PLPPR5: variants seen among roughly 807,000 people sequenced by gnomAD.
The protein encoded by PLPPR5 is phospholipid phosphatase related 5.
A neutral mutation model predicts 33.9 loss-of-function variants in PLPPR5; 16 were observed. The observed-to-expected ratio is 0.47, with a 90% CI of 0.32 to 0.72. PLPPR5 has a LOEUF of 0.72. Ranked by LOEUF, PLPPR5 falls within the 30% of genes least tolerant of loss-of-function variation. The probability of loss-of-function intolerance (pLI) is 0.03; values close to 1 mark genes in which losing one functional copy is unlikely to be tolerated. For missense variants in PLPPR5, 301 were observed against 406.7 expected, an observed-to-expected ratio of 0.74 and a Z score of 2.23; for synonymous variants, 163 against 150.3, an observed-to-expected ratio of 1.08 and a Z score of -0.62.
chr1:98,933,846 T>G (rs1196052273), intron 3 of PLPPR5, among the ~76,000 whole-genome samples: 1 of 152,112 alleles, frequency 6.6e-6, no homozygotes, highest in East Asian at 1.9e-4. Context: ...TCAGGCAAGA[T>G]TTGGGCAACG....
At chr1:98,916,396 A>C (rs1274009468) in intron 4 of PLPPR5, among the ~76,000 whole-genome samples, 1 of 152,216 alleles carries the variant, frequency 6.6e-6, no homozygotes, top group Non-Finnish European at 1.5e-5. Flanking sequence ...TGATAAAGCT[A>C]CTACCTCATG....
chr1:98,940,604 G>A (rs556688813), intron 3 of PLPPR5, among the ~76,000 whole-genome samples: 2 of 151,818 alleles, frequency 1.3e-5, no homozygotes, highest in East Asian at 3.9e-4. Flanking sequence ...AGGGATAAGC[G>A]CTTATAACTC....
intron 1 of PLPPR5, among the ~76,000 whole-genome samples, chr1:98,964,233 C>T (rs309052): frequency 0.8 from 121,300 of 152,146 alleles, 48,914 homozygotes; most frequent in African/African-American, 0.92. Flanking sequence ...TTCTGTGAAC[C>T]AACCAATGAA....
At chr1:98,977,767 G>C (rs976473225) in intron 1 of PLPPR5, among the ~76,000 whole-genome samples, 4 of 151,658 alleles carry the variant, frequency 2.6e-5, no homozygotes, top group Admixed American at 6.6e-5. Context: ...TCTTCTGGTA[G>C]AGAACTAGCC....
intron 5 of PLPPR5, among the ~76,000 whole-genome samples, chr1:98,911,340 T>C (rs1231441822): frequency 6.6e-6 from 1 of 152,178 alleles, no homozygotes; most frequent in Non-Finnish European, 1.5e-5. Context: ...ACAGAGCACA[T>C]AAATTTGTTA....
intron 5 of PLPPR5, among the ~76,000 whole-genome samples, chr1:98,906,685 G>C (rs1024715454): frequency 6.6e-6 from 1 of 152,118 alleles, no homozygotes; most frequent in African/African-American, 2.4e-5. Flanking sequence ...ACCTATCACG[G>C]AATTTATAGG....
chr1:98,959,975 AT>A (rs757085328), intron 1 of PLPPR5, among the ~76,000 whole-genome samples: 8 of 152,000 alleles, frequency 5.3e-5, no homozygotes, highest in Non-Finnish European at 1.0e-4. Context: ...TGTTCTCTGG[AT>A]ACTGTATTCT....
intron 1 of PLPPR5, among the ~76,000 whole-genome samples, chr1:98,966,185 T>C (rs1431267182): frequency 6.6e-6 from 1 of 152,220 alleles, no homozygotes; most frequent in African/African-American, 2.4e-5. Flanking sequence ...GGTTCCCTTC[T>C]ACTTACCAAG....
At chr1:98,903,147 A>G (rs1570682224) in intron 5 of PLPPR5, among the ~76,000 whole-genome samples, 1 of 152,152 alleles carries the variant, frequency 6.6e-6, no homozygotes, top group African/African-American at 2.4e-5. Flanking sequence ...ATTAAATTTT[A>G]CAAATGAGAA....
chr1:98,940,699 G>T (rs1404516910), intron 3 of PLPPR5, among the ~76,000 whole-genome samples: 1 of 151,896 alleles, frequency 6.6e-6, no homozygotes, highest in Non-Finnish European at 1.5e-5. Flanking sequence ...TATTGGAGAT[G>T]ATCCTGCAAT....
intron 1 of PLPPR5, among the ~76,000 whole-genome samples, chr1:98,994,148 G>C (rs1238054353): frequency 6.6e-6 from 1 of 151,848 alleles, no homozygotes; most frequent in Non-Finnish European, 1.5e-5. Context: ...CACATAGAAG[G>C]TGCTCACCAA....
chr1:98,927,358 C>T (rs1456042668), intron 3 of PLPPR5, among the ~76,000 whole-genome samples: 1 of 152,194 alleles, frequency 6.6e-6, no homozygotes, highest in African/African-American at 2.4e-5. Flanking sequence ...GGCAACCCAC[C>T]AGCCTTCACT....
At chr1:99,004,274 TCA>T in intron 1 of PLPPR5, 159 bp downstream of exon 1, 1 of 622,162 alleles carries the variant, frequency 1.6e-6, no homozygotes. Context: ...GCACCCACCC[TCA>T]CGCGCCCTAG....
rs148641512 is a variant in PLPPR5 at position 98,966,634 on chromosome 1, G to C, written c.238-9893C>G. Among the ~76,000 whole-genome samples the C allele has an allele frequency of 4.6e-3, 707 of 152,248 alleles. 5 individuals are homozygous for C. Among genetic ancestry groups the C allele is most frequent in the African/African-American group, 0.016 (651 of 41,562 alleles). ...AGTTAAGGGAAGTGGAGGGACAAAGGCCGCTTTGATGGAAGGATATGAGGT... is the reference window on the plus strand; with the variant it reads ...AGTTAAGGGAAGTGGAGGGACAAAGCCCGCTTTGATGGAAGGATATGAGGT... On this transcript the variant is annotated intron_variant, in intron 1 of 5. Transcript: ENST00000263177.
intron 3 of PLPPR5, among the ~76,000 whole-genome samples, chr1:98,949,593 A>T (rs1203559768): frequency 6.6e-6 from 1 of 152,236 alleles, no homozygotes; most frequent in African/African-American, 2.4e-5. Context: ...TTTTCTATTT[A>T]CTACCCATCA....
At chr1:98,991,118 C>A (rs1652436105) in intron 1 of PLPPR5, 1 of 152,088 alleles carries the variant, frequency 6.6e-6, no homozygotes, top group Admixed American at 6.6e-5. Context: ...TCATCTGATT[C>A]CAAGACAGTA....
chr1:98,908,181 G>T (rs574427716), intron 5 of PLPPR5, among the ~76,000 whole-genome samples: 1 of 152,118 alleles, frequency 6.6e-6, no homozygotes, highest in Non-Finnish European at 1.5e-5. Flanking sequence ...GGAATTTTGG[G>T]ACATTATTGA....
intron 5 of PLPPR5, among the ~76,000 whole-genome samples, chr1:98,913,993 G>GGA: frequency 6.6e-6 from 1 of 152,156 alleles, no homozygotes; most frequent in African/African-American, 2.4e-5. Context: ...TCCCTGATTA[G>GGA]GAGAGCACGA....
At position 98,921,837 on chromosome 1, in the gene PLPPR5, A is replaced by AT. The variant is rs536018134; in HGVS notation, c.798+44_798+45insA. 32 of 1,483,570 alleles carry AT rather than the reference A, an allele frequency of 2.2e-5. No individual in the cohort carries two copies. The African/African-American group carries it at 4.4e-4, about 20-fold the overall frequency. The allele number at this position is 1,483,570 out of a possible 1,614,324, so 91.9% of individuals were successfully genotyped here. On this transcript the variant is annotated intron_variant, in intron 4 of 5. Coordinates refer to ENST00000263177, the MANE Select transcript of PLPPR5 (RefSeq NM_001037317.2). ...TTGTATTTTCTCATGGTGATTATGC[A>AT]AGTTAATTAAAAACCCAATGATATA... is the stretch of plus-strand genomic sequence containing the variant.
Sources: allele counts gnomAD v4.1 joint callset (sites outside exome capture counted in the v4.1 genomes callset), GRCh38; gene constraint gnomAD v4.1.1; transcripts MANE v1.5; gene names NCBI Gene and HGNC (gene_info 2026-07-23, HGNC 2026-07-21).